Variants in DGKB observed in about 807,000 individuals in gnomAD.
The protein encoded by DGKB is diacylglycerol kinase beta, also known as 90 kDa diacylglycerol kinase.
In DGKB, 67 loss-of-function variants were observed where a neutral mutation model predicts 114.3. The observed-to-expected ratio is 0.59, with a 90% confidence interval of 0.48 to 0.72. The LOEUF (loss-of-function observed/expected upper bound fraction) is 0.72, where lower values mean the gene tolerates loss of function less well. Among genes scored for constraint, DGKB ranks in the 30% least tolerant of loss-of-function variants. The pLI is 0.00. For missense variants in DGKB, 907 were observed against 975.2 expected, an observed-to-expected ratio of 0.93 and a Z score of 0.93; for synonymous variants, 398 against 323.1, an observed-to-expected ratio of 1.23 and a Z score of -2.49.
At chr7:14,681,283 T>A (rs1317115031) in intron 12 of DGKB, among the ~76,000 whole-genome samples, 1 of 152,122 alleles carries the variant, frequency 6.6e-6, no homozygotes, top group Non-Finnish European at 1.5e-5. Context: ...TCTTTCATAA[T>A]GAGAAAATTT....
rs868618452 is a variant in DGKB, at chr7:14,822,183, C to G, written c.70+19011G>C. Among the ~76,000 whole-genome samples the G allele has an allele frequency of 3.9e-5, 6 of 152,192 alleles. No homozygotes were observed. In the East Asian group the frequency reaches 1.2e-3, roughly 29 times the overall value. ...CATCCAATTGAAGATGTCAATTAGA[C>G]AGCTGCTTATTCAAACCTGAAATTG... On this transcript the variant is annotated intron_variant, in intron 2 of 25. Coordinates refer to ENST00000402815, the MANE Select transcript of DGKB (RefSeq NM_001350709.2).
intron 23 of DGKB, among the ~76,000 whole-genome samples, chr7:14,310,073 C>T (rs574558380): frequency 3.3e-5 from 5 of 152,134 alleles, no homozygotes; most frequent in East Asian, 1.9e-4. Flanking sequence ...AGAACTGCCA[C>T]GGAAGATGAA....
intron 21 of DGKB, among the ~76,000 whole-genome samples, chr7:14,368,269 G>A (rs1817034052): frequency 6.6e-6 from 1 of 152,076 alleles, no homozygotes; most frequent in African/African-American, 2.4e-5. Flanking sequence ...CACTCTTGGT[G>A]TTATACATTC....
intron 21 of DGKB, among the ~76,000 whole-genome samples, chr7:14,383,621 A>G (rs59942593): frequency 0.29 from 44,348 of 151,860 alleles, 6,777 homozygotes; most frequent in African/African-American, 0.38. Context: ...CCGCGTATCA[A>G]TGTACCAGGC....
chr7:14,744,204 C>CTAGAATTTGGAAACT (rs1269377554), intron 4 of DGKB, among the ~76,000 whole-genome samples: 1 of 152,126 alleles, frequency 6.6e-6, no homozygotes, highest in Non-Finnish European at 1.5e-5. Context: ...CCTGGTTCTT[C>CTAGAATTTGGAAACT]TAGAATTTGG....
At chr7:14,709,672 T>C (rs1336667038) in intron 6 of DGKB, among the ~76,000 whole-genome samples, 1 of 145,122 alleles carries the variant, frequency 6.9e-6, no homozygotes, top group Non-Finnish European at 1.5e-5. Context: ...TGTAGGGACA[T>C]GGATGAAATT....
chr7:14,178,737 C>T (rs371187174), intron 23 of DGKB, among the ~76,000 whole-genome samples: 17 of 151,442 alleles, frequency 1.1e-4, no homozygotes, highest in African/African-American at 3.6e-4. Context: ...AATGTTTTTC[C>T]GATGTTAAGG....
intron 2 of DGKB, among the ~76,000 whole-genome samples, chr7:14,835,979 A>G (rs1042468246): frequency 1.3e-5 from 2 of 152,116 alleles, no homozygotes; most frequent in African/African-American, 4.8e-5. Context: ...CTGAAAATCC[A>G]TTATTTAGTA....
At chr7:14,934,834 CT>C (rs1255400390) in intron 1 of DGKB, among the ~76,000 whole-genome samples, 77 of 152,148 alleles carry the variant, frequency 5.1e-4, no homozygotes, top group African/African-American at 1.7e-3. Context: ...TTGATCTGTC[CT>C]TTGACATCTG....
chr7:14,932,317 T>C (rs1785061617), intron 1 of DGKB, among the ~76,000 whole-genome samples: 1 of 152,194 alleles, frequency 6.6e-6, no homozygotes, highest in Non-Finnish European at 1.5e-5. Flanking sequence ...TGCTTTTCTG[T>C]TGAACTCCCA....
At chr7:14,936,522 A>G (rs36874) in intron 1 of DGKB, among the ~76,000 whole-genome samples, 18,704 of 152,162 alleles carry the variant, frequency 0.12, 1,535 homozygotes, top group Non-Finnish European at 0.19. Flanking sequence ...ACCAATCCTT[A>G]AATGTCTCAA....
At chr7:14,414,146 T>C (rs995274769) in intron 21 of DGKB, among the ~76,000 whole-genome samples, 1 of 152,090 alleles carries the variant, frequency 6.6e-6, no homozygotes, top group African/African-American at 2.4e-5. Context: ...ATAAAGTAGA[T>C]GAATTAGAGG....
chr7:14,621,248 T>C (rs1807585794), intron 15 of DGKB, 130 bp downstream of exon 15: 1 of 588,784 alleles, frequency 1.7e-6, no homozygotes, highest in Non-Finnish European at 3.0e-6. Flanking sequence ...TTAATAAAGA[T>C]CTTTCTGAAA....
intron 20 of DGKB, among the ~76,000 whole-genome samples, chr7:14,485,891 CAAA>C (rs11454311): frequency 1.7e-5 from 2 of 115,404 alleles, no homozygotes; most frequent in African/African-American, 3.1e-5. Context: ...AACTCCATCT[CAAA>C]AAAAAAAAAA....
chr7:14,724,124 C>T (rs1829671910), intron 5 of DGKB, among the ~76,000 whole-genome samples: 1 of 152,116 alleles, frequency 6.6e-6, no homozygotes, highest in Non-Finnish European at 1.5e-5. Flanking sequence ...TAAGGCAATA[C>T]AACACTGGCA....
intron 20 of DGKB, among the ~76,000 whole-genome samples, chr7:14,499,612 A>T (rs28706631): frequency 0.087 from 13,239 of 151,760 alleles, 1,133 homozygotes; most frequent in African/African-American, 0.23. Context: ...ATCTTGTTTG[A>T]AAATTCTTTT....
chr7:14,875,550 T>G (rs967567374), intron 1 of DGKB, among the ~76,000 whole-genome samples: 4 of 152,190 alleles, frequency 2.6e-5, no homozygotes, highest in African/African-American at 9.6e-5. Flanking sequence ...TTGGTAAAAG[T>G]AGATAACGCA....
intron 23 of DGKB, among the ~76,000 whole-genome samples, chr7:14,202,406 C>G (rs557925714): frequency 1.3e-5 from 2 of 152,056 alleles, no homozygotes; most frequent in East Asian, 3.9e-4. Flanking sequence ...TCATTAATTA[C>G]TAATAACAAG....
At position 14,837,446 on chromosome 7, in the gene DGKB, T is replaced by C. The variant is rs144719860; in HGVS notation, c.70+3748A>G. Reference sequence around the variant, plus strand: ...CCATGAGCTCACTCATCTTGCCCAATAGTTCCACAGCCCCACCTTATTCCA... The same window carrying C: ...CCATGAGCTCACTCATCTTGCCCAACAGTTCCACAGCCCCACCTTATTCCA... On this transcript the variant is annotated intron_variant, in intron 2 of 25. Coordinates refer to ENST00000402815, the MANE Select transcript of DGKB (RefSeq NM_001350709.2). Among the ~76,000 whole-genome samples, 12 of 152,330 alleles carry C rather than the reference T, an allele frequency of 7.9e-5. No homozygotes were observed. The East Asian group carries it at 2.3e-3, about 29-fold the overall frequency.
Sources: gnomAD v4.1 joint callset for allele counts (sites outside exome capture counted in the v4.1 genomes callset) on GRCh38, gnomAD v4.1.1 for gene constraint, MANE v1.5 for transcripts, NCBI Gene and HGNC (gene_info 2026-07-23, HGNC 2026-07-21) for gene names.